The following CRADD variants were observed in gnomAD, a reference collection of about 807,000 sequenced individuals.
The protein encoded by CRADD is death domain-containing protein CRADD.
Under a neutral mutation model 15.5 loss-of-function variants are expected in CRADD, and 9 were observed. The observed-to-expected ratio is 0.58, with a 90% confidence interval of 0.35 to 1.01. The LOEUF (loss-of-function observed/expected upper bound fraction) is 1.01. Ranked by LOEUF, CRADD falls within the 50% of genes least tolerant of loss-of-function variation. CRADD has a pLI of 0.02. For missense variants in CRADD, 227 were observed against 250.3 expected, an observed-to-expected ratio of 0.91 and a Z score of 0.63; for synonymous variants, 118 against 107.6, an observed-to-expected ratio of 1.10 and a Z score of -0.60.
intron 2 of CRADD, among the ~76,000 whole-genome samples, chr12:93,832,794 A>G (rs1957923872): frequency 6.6e-6 from 1 of 152,248 alleles, no homozygotes; most frequent in Admixed American, 6.5e-5. Flanking sequence ...AATGCAAAAT[A>G]TTATGTTCAC....
At chr12:93,728,441 T>C (rs1956406922) in intron 2 of CRADD, among the ~76,000 whole-genome samples, 4 of 152,220 alleles carry the variant, frequency 2.6e-5, no homozygotes, top group Admixed American at 2.6e-4. Flanking sequence ...ATGTAGTAAA[T>C]ACGTCAATAT....
rs140490581 is a variant in CRADD, at chr12:93,874,911, G to A, written c.299-19139G>A. On this transcript the variant is annotated intron_variant, in intron 2 of 2. Coordinates refer to the CRADD transcript ENST00000548483. ...GTATTCTGTAGCCATTGGATGAAAC[G>A]TTCTGTAAATATTTACTAGATCCAT... Among the ~76,000 whole-genome samples, 139 of 152,102 alleles carry A rather than the reference G, an allele frequency of 9.1e-4. 1 individual carries two copies. Among genetic ancestry groups the A allele is most frequent in the African/African-American group, 3.2e-3 (132 of 41,524 alleles).
chr12:93,795,991 A>G (rs1219889663), intron 2 of CRADD, among the ~76,000 whole-genome samples: 1 of 152,210 alleles, frequency 6.6e-6, no homozygotes, highest in African/African-American at 2.4e-5. Context: ...GTCACATCCT[A>G]GAGTAGATAA....
chr12:93,755,684 T>C (rs753245482), intron 2 of CRADD, among the ~76,000 whole-genome samples: 4 of 152,224 alleles, frequency 2.6e-5, no homozygotes, highest in African/African-American at 7.2e-5. Context: ...CATTAGCTCA[T>C]GGCCAGTGCA....
At chr12:93,855,192 TAAA>T (rs556575879), downstream of CRADD, among the ~76,000 whole-genome samples, 1 of 149,930 alleles carries the variant, frequency 6.7e-6, no homozygotes, top group African/African-American at 2.5e-5. Context: ...AACTCCGTCT[TAAA>T]AAAAAAATTA....
At chr12:93,697,731 T>C (rs972092757) in intron 2 of CRADD, among the ~76,000 whole-genome samples, 2 of 152,190 alleles carry the variant, frequency 1.3e-5, no homozygotes, top group African/African-American at 4.8e-5. Context: ...CTGAGGCCCT[T>C]ATACCAAAGG....
intron 2 of CRADD, among the ~76,000 whole-genome samples, chr12:93,732,694 C>T (rs1285541502): frequency 6.6e-6 from 1 of 152,140 alleles, no homozygotes; most frequent in Non-Finnish European, 1.5e-5. Context: ...ACCACTTAGT[C>T]GTTTTTTGAG....
intron 2 of CRADD, among the ~76,000 whole-genome samples, chr12:93,712,793 A>T (rs1956096987): frequency 6.6e-6 from 1 of 152,172 alleles, no homozygotes; most frequent in African/African-American, 2.4e-5. Context: ...GAATTCTAGA[A>T]TGGGTTATTA....
intron 2 of CRADD, among the ~76,000 whole-genome samples, chr12:93,830,537 CTG>C (rs1232881182): frequency 1.3e-5 from 2 of 152,076 alleles, no homozygotes; most frequent in African/African-American, 2.4e-5. Flanking sequence ...ATCTGGAAAA[CTG>C]TTTGATTTTG....
chr12:93,856,574 G>A (rs1958277055), intron 2 of CRADD, among the ~76,000 whole-genome samples: 1 of 152,204 alleles, frequency 6.6e-6, no homozygotes, highest in South Asian at 2.1e-4. Flanking sequence ...GCCTTAATGT[G>A]TATGGGCAGC....
chr12:93,827,087 G>A (rs1190903434), intron 2 of CRADD, among the ~76,000 whole-genome samples: 7 of 152,152 alleles, frequency 4.6e-5, no homozygotes, highest in Admixed American at 4.6e-4. Flanking sequence ...TTGACATACA[G>A]TAAACTGCAC....
intron 2 of CRADD, among the ~76,000 whole-genome samples, chr12:93,763,879 A>G (rs976876930): frequency 1.3e-5 from 2 of 152,200 alleles, no homozygotes; most frequent in Non-Finnish European, 1.5e-5. Context: ...AACCACAGAA[A>G]TGTTCATCAG....
chr12:93,882,141 G>T (rs1326318587), intron 2 of CRADD, among the ~76,000 whole-genome samples: 3 of 150,932 alleles, frequency 2.0e-5, no homozygotes, highest in African/African-American at 7.3e-5. Context: ...ATTAAAAAAG[G>T]CCAGGCACGG....
chr12:93,799,858 A>T (rs886198599), intron 2 of CRADD, among the ~76,000 whole-genome samples: 1 of 152,196 alleles, frequency 6.6e-6, no homozygotes, highest in Admixed American at 6.5e-5. Flanking sequence ...TAGCCGTGTT[A>T]TTTACTTTGT....
At chr12:93,739,473 A>G (rs1565896501) in intron 2 of CRADD, among the ~76,000 whole-genome samples, 1 of 151,560 alleles carries the variant, frequency 6.6e-6, no homozygotes, top group Non-Finnish European at 1.5e-5. Context: ...ATTCTCATTT[A>G]TTGGCATTAG....
At chr12:93,787,401 A>G (rs1397419395) in intron 2 of CRADD, among the ~76,000 whole-genome samples, 1 of 150,696 alleles carries the variant, frequency 6.6e-6, no homozygotes. Flanking sequence ...TTTGCCCCAA[A>G]CCAGTATCAC....
intron 2 of CRADD, among the ~76,000 whole-genome samples, chr12:93,706,826 T>C (rs1051836225): frequency 3.9e-5 from 6 of 152,244 alleles, no homozygotes; most frequent in African/African-American, 1.4e-4. Flanking sequence ...AGCTAGATCT[T>C]TTTAACTTTA....
At chr12:93,792,844 C>T (rs1295800184) in intron 2 of CRADD, among the ~76,000 whole-genome samples, 1 of 152,200 alleles carries the variant, frequency 6.6e-6, no homozygotes, top group Non-Finnish European at 1.5e-5. Flanking sequence ...AGGCTCTTAA[C>T]TGCTATACTG....
chr12:93,774,910 G>T lies in CRADD; in HGVS notation c.299-75060G>T, dbSNP rs73363129. 1.9e-3 allele frequency among the ~76,000 whole-genome samples: 291 copies of T among 152,324 alleles called. 2 individuals carry two copies. The highest frequency in any genetic ancestry group is 6.0e-3 in the African/African-American group (249 of 41,576). On this transcript the variant is annotated intron_variant, in intron 2 of 2. Coordinates refer to ENST00000332896, the MANE Select transcript of CRADD (RefSeq NM_003805.5). ...AAGGTGGAAGGGACCAGCTGCTAGGGTGGGGAGGGAGAGGGCATAAGGAAA... is the reference window on the plus strand; with the variant it reads ...AAGGTGGAAGGGACCAGCTGCTAGGTTGGGGAGGGAGAGGGCATAAGGAAA...
Sources: gnomAD v4.1 joint callset for allele counts (sites outside exome capture counted in the v4.1 genomes callset) on GRCh38, gnomAD v4.1.1 for gene constraint, MANE v1.5 for transcripts, NCBI Gene and HGNC (gene_info 2026-07-23, HGNC 2026-07-21) for gene names.